AFF3: variants seen among roughly 807,000 people sequenced by gnomAD.
The protein encoded by AFF3 is ALF transcription elongation factor 3.
In AFF3, 32 loss-of-function variants were observed where a neutral mutation model predicts 129.7. The ratio of observed to expected loss-of-function variants is 0.25; its 90% CI spans 0.19 to 0.33. The LOEUF (loss-of-function observed/expected upper bound fraction) is 0.33, where lower values mean the gene tolerates loss of function less well. Among genes scored for constraint, AFF3 ranks in the 10% least tolerant of loss-of-function variants. The pLI is 1.00. For missense variants in AFF3, 1,373 were observed against 1,592.0 expected, an observed-to-expected ratio of 0.86 and a Z score of 2.34; for synonymous variants, 644 against 635.4, an observed-to-expected ratio of 1.01 and a Z score of -0.20.
chr2:100,130,875 C>A (rs1456003934), intron 1 of AFF3, among the ~76,000 whole-genome samples: 1 of 152,026 alleles, frequency 6.6e-6, no homozygotes, highest in African/African-American at 2.4e-5. Context: ...AGAAGGTTAA[C>A]CACTCACTCT....
intron 8 of AFF3, among the ~76,000 whole-genome samples, chr2:99,826,729 G>A (rs1475251036): frequency 6.6e-6 from 1 of 152,156 alleles, no homozygotes; most frequent in African/African-American, 2.4e-5. Flanking sequence ...CACAGCATGT[G>A]CGACTCTGCA....
chr2:99,971,202 C>T (rs1678337753), intron 7 of AFF3, among the ~76,000 whole-genome samples: 1 of 152,166 alleles, frequency 6.6e-6, no homozygotes, highest in African/African-American at 2.4e-5. Context: ...CTCACAAGCC[C>T]ATTCTTGCCC....
intron 14 of AFF3, among the ~76,000 whole-genome samples, chr2:99,600,651 A>G (rs1679740457): frequency 6.6e-6 from 1 of 152,188 alleles, no homozygotes; most frequent in African/African-American, 2.4e-5. Context: ...ACTCAAGAAG[A>G]AACTCTATTT....
intron 7 of AFF3, among the ~76,000 whole-genome samples, chr2:99,853,624 G>A (rs992288012): frequency 6.8e-6 from 1 of 147,294 alleles, no homozygotes; most frequent in African/African-American, 2.5e-5. Flanking sequence ...TTATAAAGTT[G>A]ATGCTGTTAT....
chr2:99,750,396 A>G (rs1357997112), intron 9 of AFF3, among the ~76,000 whole-genome samples: 2 of 145,830 alleles, frequency 1.4e-5, no homozygotes, highest in Non-Finnish European at 3.0e-5. Flanking sequence ...GATATGTAAA[A>G]AGTACTTTTT....
At chr2:99,588,029 T>C (rs972206724) in intron 15 of AFF3, among the ~76,000 whole-genome samples, 5 of 150,718 alleles carry the variant, frequency 3.3e-5, no homozygotes, top group African/African-American at 4.9e-5. Context: ...AAAAAAATTA[T>C]TGCCTTTTGT....
intron 4 of AFF3, among the ~76,000 whole-genome samples, chr2:100,021,002 CAG>C (rs1433443055): frequency 1.3e-5 from 2 of 152,176 alleles, no homozygotes; most frequent in African/African-American, 4.8e-5. Flanking sequence ...CCAATCTTCC[CAG>C]TTTCTATGTT....
intron 17 of AFF3, among the ~76,000 whole-genome samples, chr2:99,581,470 T>TA (rs1677535413): frequency 6.6e-6 from 1 of 152,008 alleles, no homozygotes; most frequent in South Asian, 2.1e-4. Flanking sequence ...GATAAAGTGT[T>TA]ACACACTGCT....
chr2:100,072,316 G>A (rs1573339206), intron 4 of AFF3, among the ~76,000 whole-genome samples: 2 of 152,166 alleles, frequency 1.3e-5, no homozygotes, highest in Non-Finnish European at 2.9e-5. Flanking sequence ...CTCTCTTTAT[G>A]AAAATCTAAC....
At chr2:99,977,233 C>A (rs1678984240) in intron 7 of AFF3, among the ~76,000 whole-genome samples, 1 of 152,158 alleles carries the variant, frequency 6.6e-6, no homozygotes, top group Non-Finnish European at 1.5e-5. Context: ...ATGTCAGAAG[C>A]TAGAATGCCA....
rs549165881 is a variant in AFF3, at chr2:99,962,941, C to T, written c.873+43691G>A. On this transcript the variant is annotated intron_variant, in intron 7 of 24. Transcript: ENST00000672756. ...TGAAAGAAATAAACTCACAGATTGA[C>T]GAAATCCAAATAGGATAAACAAACC... Among the ~76,000 whole-genome samples, 289 of 150,584 alleles carry T rather than the reference C, an allele frequency of 1.9e-3. 1 individual carries two copies. Among genetic ancestry groups the T allele is most frequent in the South Asian group, 3.4e-3 (16 of 4,774 alleles).
At chr2:99,939,341 T>C (rs1267085623) in intron 7 of AFF3, among the ~76,000 whole-genome samples, 1 of 152,240 alleles carries the variant, frequency 6.6e-6, no homozygotes, top group Non-Finnish European at 1.5e-5. Flanking sequence ...TTAATTAAGA[T>C]AAACTTGGGT....
chr2:99,622,401 GT>G (rs1161865531), intron 13 of AFF3, among the ~76,000 whole-genome samples: 1 of 152,194 alleles, frequency 6.6e-6, no homozygotes, highest in Non-Finnish European at 1.5e-5. Flanking sequence ...TTTCTTTAAG[GT>G]TTGCTGAAAA....
chr2:100,056,065 A>T (rs1259954465), intron 4 of AFF3, among the ~76,000 whole-genome samples: 229 of 130,280 alleles, frequency 1.8e-3, no homozygotes, highest in East Asian at 6.1e-3. Flanking sequence ...TCTCTCTCTC[A>T]CACACACACA....
chr2:99,604,258 G>A (rs1227655558), intron 13 of AFF3, among the ~76,000 whole-genome samples: 1 of 152,088 alleles, frequency 6.6e-6, no homozygotes, highest in Admixed American at 6.5e-5. Flanking sequence ...TAAAGAAAAT[G>A]TGGTACACAT....
At chr2:99,661,015 G>T (rs1686183421) in intron 12 of AFF3, among the ~76,000 whole-genome samples, 1 of 152,206 alleles carries the variant, frequency 6.6e-6, no homozygotes, top group Admixed American at 6.5e-5. Context: ...TGTATATCTG[G>T]ACCAAACACC....
chr2:99,651,598 C>T (rs1445375001), intron 12 of AFF3, among the ~76,000 whole-genome samples: 2 of 152,012 alleles, frequency 1.3e-5, no homozygotes, highest in Non-Finnish European at 2.9e-5. Flanking sequence ...TATGCCACCA[C>T]ACCCAGCTAA....
chr2:99,943,233 C>G (rs1202462258), intron 7 of AFF3, among the ~76,000 whole-genome samples: 1 of 152,210 alleles, frequency 6.6e-6, no homozygotes, highest in East Asian at 1.9e-4. Flanking sequence ...TAAACTGATG[C>G]AACCTGCCCC....
intron 7 of AFF3, among the ~76,000 whole-genome samples, chr2:99,895,964 G>A (rs964754872): frequency 1.7e-4 from 26 of 151,232 alleles, no homozygotes; most frequent in African/African-American, 6.1e-4. Context: ...AGCTACTTGG[G>A]AGGCTAAGGC....
Sources: gnomAD v4.1 joint callset for allele counts (sites outside exome capture counted in the v4.1 genomes callset) on GRCh38, gnomAD v4.1.1 for gene constraint, MANE v1.5 for transcripts, NCBI Gene and HGNC (gene_info 2026-07-23, HGNC 2026-07-21) for gene names.